CDH1: variants seen among roughly 807,000 people sequenced by gnomAD.
CDH1 encodes cadherin-1.
CDH1 carries 35 observed loss-of-function variants against 84.5 expected under a neutral mutation model. That is an observed-to-expected ratio of 0.41 (90% confidence interval 0.32 to 0.55). CDH1 has a LOEUF of 0.55. Among genes scored for constraint, CDH1 ranks in the 20% least tolerant of loss-of-function variants. CDH1 has a pLI of 0.19. For synonymous variants in CDH1, 417 were observed against 439.0 expected (o/e 0.95, Z 0.63); for missense variants, 994 against 1,126.6 (o/e 0.88, Z 1.68).
At chr16:68,822,822 C>T (rs551188701) in intron 12 of CDH1, 44 of 241,984 alleles carry the variant, frequency 1.8e-4, no homozygotes, top group African/African-American at 8.1e-4. Flanking sequence ...ACTGTCTTCC[C>T]GGACATCCAG....
chr16:68,751,409 C>T (rs1962880209), intron 2 of CDH1, among the ~76,000 whole-genome samples: 1 of 152,218 alleles, frequency 6.6e-6, no homozygotes, highest in Non-Finnish European at 1.5e-5. Flanking sequence ...AATATCTGCA[C>T]AGCTCACTCT....
intron 13 of CDH1, chr16:68,826,663 A>T (rs920622243): frequency 4.6e-5 from 7 of 152,150 alleles, no homozygotes; most frequent in Non-Finnish European, 8.8e-5. Flanking sequence ...CCAATGTTTG[A>T]TTGCTTACTC....
intron 2 of CDH1, among the ~76,000 whole-genome samples, chr16:68,798,100 A>C (rs1960411656): frequency 6.6e-6 from 1 of 151,644 alleles, no homozygotes. Context: ...AGACTTTCCC[A>C]CATGGAGATG....
Position 68,823,618 on chromosome 16 carries a change from C to A in CDH1, c.2156C>A (p.Ala719Asp), listed in dbSNP as rs752041032. The A allele has an allele frequency of 6.2e-7, 1 of 1,609,160 alleles. No individual in the cohort carries two copies. The highest frequency in any genetic ancestry group is 8.5e-7 in the Non-Finnish European group (1 of 1,177,830). The change falls in exon 13 of 16, where the codon GCT (alanine) becomes GAT (aspartate). Residue 719 changes from alanine (A) to aspartate (D), a missense_variant. By Grantham distance (126) the Ala-to-Asp change is moderately radical. Coordinates refer to ENST00000261769, the MANE Select transcript of CDH1 (RefSeq NM_004360.5). ...CTGGGGATTCTTGGAGGAATTCTTG[C>A]TTTGCTAAGTAAGTCCAGCTGGCAA... The part of the protein sequence containing the change: ...AILGILGGIL[A>D]LLILILLLLL...
At position 68,833,279 on chromosome 16, in the gene CDH1, T is replaced by A. The variant is rs769677489; in HGVS notation, c.2440-11T>A. ...TTTCACTAAAAGATGCTTTTGTCCC[T>A]TCTTCTTTAGAATCTGAAAGCGGCT... On this transcript the variant is annotated splice_polypyrimidine_tract_variant and intron_variant, in intron 15 of 15. Transcript: ENST00000261769. The A allele has an allele frequency of 1.2e-6, 2 of 1,612,718 alleles. No homozygotes were observed. Among genetic ancestry groups the A allele is most frequent in the Non-Finnish European group, 1.7e-6 (2 of 1,178,722 alleles).
intron 2 of CDH1, among the ~76,000 whole-genome samples, chr16:68,800,500 T>C (rs1250421810): frequency 6.6e-6 from 1 of 152,230 alleles, no homozygotes; most frequent in Non-Finnish European, 1.5e-5. Flanking sequence ...AGGGATGGCT[T>C]CAAGGGCTTT....
At chr16:68,782,208 C>T (rs1405680705) in intron 2 of CDH1, among the ~76,000 whole-genome samples, 3 of 152,114 alleles carry the variant, frequency 2.0e-5, no homozygotes, top group Non-Finnish European at 2.9e-5. Flanking sequence ...AGGGCGTGGA[C>T]GGGGGCCACA....
chr16:68,802,790 C>A (rs1022351137), intron 3 of CDH1, among the ~76,000 whole-genome samples: 2 of 152,078 alleles, frequency 1.3e-5, no homozygotes, highest in Non-Finnish European at 2.9e-5. Context: ...ATTCTCTGAT[C>A]ATTTTGCTTT....
At chr16:68,810,114 G>T (rs33935783) in intron 5 of CDH1, 83 bp from the exon 6 acceptor site, 4 of 1,457,634 alleles carry the variant, frequency 2.7e-6, no homozygotes, top group Non-Finnish European at 3.8e-6. Context: ...CAGCCAGGGG[G>T]GCGCACTCTG....
chr16:68,832,590 C>T (rs1377415929), intron 15 of CDH1, among the ~76,000 whole-genome samples: 1 of 152,114 alleles, frequency 6.6e-6, no homozygotes, highest in Non-Finnish European at 1.5e-5. Context: ...GAGGCCGAGG[C>T]AGGTGGATCA....
chr16:68,822,601 T>C, intron 12 of CDH1: 1 of 470,404 alleles, frequency 2.1e-6, no homozygotes, highest in Non-Finnish European at 4.1e-6. Flanking sequence ...CCCAGATTCA[T>C]CAGAACTATT....
In CDH1 at chr16:68,778,207, C is replaced by T. The variant is rs576593505; in HGVS notation, c.164-23463C>T. On this transcript the variant is annotated intron_variant, in intron 2 of 15. Coordinates refer to ENST00000261769, the MANE Select transcript of CDH1 (RefSeq NM_004360.5). ...GGGCTACAGGCACCTGCCACCATGT[C>T]CAGCTAATTTTTGTATTTTTAGTAC... Among the ~76,000 whole-genome samples the T allele has an allele frequency of 2.0e-5, 3 of 152,198 alleles. No individual in the cohort carries two copies. The South Asian group carries it at 6.2e-4, about 32-fold the overall frequency.
At chr16:68,798,211 G>T (rs761514128) in intron 2 of CDH1, among the ~76,000 whole-genome samples, 2 of 152,188 alleles carry the variant, frequency 1.3e-5, no homozygotes, top group Non-Finnish European at 2.9e-5. Flanking sequence ...CTGGGTTAAA[G>T]AACACTTAGA....
At chr16:68,765,241 A>G (rs186178831) in intron 2 of CDH1, 10 of 152,158 alleles carry the variant, frequency 6.6e-5, no homozygotes, top group African/African-American at 2.4e-4. Flanking sequence ...GTCGCCAGGT[A>G]CAGTGGCGTG....
At chr16:68,809,386 G>A (rs76989820) in intron 5 of CDH1, among the ~76,000 whole-genome samples, 3,549 of 152,128 alleles carry the variant, frequency 0.023, 135 homozygotes, top group African/African-American at 0.08. Context: ...GTTTTTATTA[G>A]AGATGAGGTT....
rs191363204 is a variant in CDH1, at chr16:68,773,495, C to T, written c.164-28175C>T. Among the ~76,000 whole-genome samples the T allele has an allele frequency of 5.5e-3, 838 of 152,184 alleles. 26 individuals carry two copies. The highest frequency in any genetic ancestry group is 1.7e-3 in the Admixed American group (26 of 15,278). On this transcript the variant is annotated intron_variant, in intron 2 of 15. Coordinates refer to ENST00000261769, the MANE Select transcript of CDH1 (RefSeq NM_004360.5). The stretch of plus-strand genomic sequence containing the variant: ...TGTATTTTTAGTACAGACGGGGTTT[C>T]GCCATGTTGGCCAGGCTGGTCTCGA...
intron 2 of CDH1, among the ~76,000 whole-genome samples, chr16:68,797,016 T>C (rs1960380427): frequency 6.6e-6 from 1 of 151,984 alleles, no homozygotes; most frequent in Admixed American, 6.6e-5. Context: ...ATACAAAAAA[T>C]ACAAAAATTA....
intron 14 of CDH1, among the ~76,000 whole-genome samples, 187 bp downstream of exon 14, chr16:68,828,491 C>T (rs753173248): frequency 1.3e-5 from 2 of 152,196 alleles, no homozygotes; most frequent in Non-Finnish European, 2.9e-5. Context: ...ACACAGCTAA[C>T]ATTTATTGAT....
intron 10 of CDH1, among the ~76,000 whole-genome samples, chr16:68,816,326 C>A (rs1397707089): frequency 6.6e-6 from 1 of 152,176 alleles, no homozygotes; most frequent in Non-Finnish European, 1.5e-5. Context: ...GTATTGTGTT[C>A]TAAGTAGCTT....
Sources: gnomAD v4.1 joint callset for allele counts (sites outside exome capture counted in the v4.1 genomes callset) on GRCh38, gnomAD v4.1.1 for gene constraint, MANE v1.5 for transcripts, NCBI Gene and HGNC (gene_info 2026-07-23, HGNC 2026-07-21) for gene names.